ANXA13: variants seen among roughly 807,000 people sequenced by gnomAD.
ANXA13 encodes the protein annexin XIII.
In ANXA13, 36 loss-of-function variants were observed where a neutral mutation model predicts 46.6. The ratio of observed to expected loss-of-function variants is 0.77; its 90% CI spans 0.59 to 1.02. The LOEUF (loss-of-function observed/expected upper bound fraction) is 1.02, where lower values mean the gene tolerates loss of function less well. Ranked by LOEUF, ANXA13 falls within the 50% of genes least tolerant of loss-of-function variation. The probability of loss-of-function intolerance (pLI) is 0.00; values close to 1 mark genes in which losing one functional copy is unlikely to be tolerated. For missense variants in ANXA13, 417 were observed against 396.5 expected, an observed-to-expected ratio of 1.05 and a Z score of -0.44; for synonymous variants, 163 against 152.9, an observed-to-expected ratio of 1.07 and a Z score of -0.49.
chr8:123,693,209 T>C lies in ANXA13; in HGVS notation c.630A>G (p.Gln210=). The C allele has an allele frequency of 6.2e-7, 1 of 1,614,162 alleles. No individual in the cohort carries two copies. The highest frequency in any genetic ancestry group is 1.1e-5 in the South Asian group (1 of 91,086). ...RSYKQLRATF[Q]AYQILIGKDI... Reference sequence around the variant, plus strand: ...CTTTATGACTTACAATTTGATAGGCTTGAAAGGTGGCTCGTAACTGCTTGT... The same window carrying C: ...CTTTATGACTTACAATTTGATAGGCCTGAAAGGTGGCTCGTAACTGCTTGT... The change falls in exon 8 of 11, where the codon CAA becomes CAG. Residue 210 remains glutamine, a synonymous_variant. Transcript: ENST00000419625.
At chr8:123,682,294 A>G (rs571188355) in intron 10 of ANXA13, among the ~76,000 whole-genome samples, 1 of 152,342 alleles carries the variant, frequency 6.6e-6, no homozygotes, top group African/African-American at 2.4e-5. Context: ...GGAGAAAAAT[A>G]AATCCAAAGA....
chr8:123,710,460 GA>G (rs1813636152), intron 2 of ANXA13, among the ~76,000 whole-genome samples: 2 of 152,188 alleles, frequency 1.3e-5, no homozygotes, highest in Admixed American at 1.3e-4. Context: ...CTAAAACTCT[GA>G]ACTGCATGCT....
At chr8:123,717,497 TC>T (rs1482711664) in intron 1 of ANXA13, among the ~76,000 whole-genome samples, 4 of 152,246 alleles carry the variant, frequency 2.6e-5, no homozygotes, top group Non-Finnish European at 4.4e-5. Flanking sequence ...TATATAGGTT[TC>T]TAATTCACAT....
Position 123,693,113 on chromosome 8 carries a change from C to G in ANXA13, c.642+84G>C, listed in dbSNP as rs1186083150. The G allele has an allele frequency of 3.3e-6, 4 of 1,211,352 alleles. No individual in the cohort carries two copies. The African/African-American group carries it at 6.0e-5, about 18-fold the overall frequency. 75.0% of individuals were successfully genotyped at this position (1,211,352 alleles called of 1,614,324 possible). ...CACTGTTGTAAAGGATCCCCAATTC[C>G]TTATTGCAGATCTTGGCTTCTTTTG... On this transcript the variant is annotated intron_variant, in intron 8 of 10. Coordinates refer to ENST00000419625, the MANE Select transcript of ANXA13 (RefSeq NM_004306.4).
intron 2 of ANXA13, among the ~76,000 whole-genome samples, chr8:123,708,096 G>A (rs1409870381): frequency 2.0e-5 from 3 of 152,104 alleles, no homozygotes; most frequent in Non-Finnish European, 4.4e-5. Context: ...TATGTGTATC[G>A]TATAAGCAGT....
intron 10 of ANXA13, among the ~76,000 whole-genome samples, chr8:123,681,619 CTTT>C (rs5894670): frequency 7.5e-5 from 8 of 107,012 alleles, no homozygotes; most frequent in Admixed American, 3.0e-4. Context: ...TCTTGAATTT[CTTT>C]TTTTTTTTTT....
intron 9 of ANXA13, among the ~76,000 whole-genome samples, chr8:123,686,478 G>C (rs1283731899): frequency 6.6e-6 from 1 of 150,954 alleles, no homozygotes; most frequent in African/African-American, 2.4e-5. Context: ...AAAAAAGAAA[G>C]AAAGAAAGAA....
intron 1 of ANXA13, among the ~76,000 whole-genome samples, chr8:123,729,504 A>G (rs942749732): frequency 1.2e-4 from 18 of 152,162 alleles, no homozygotes; most frequent in Non-Finnish European, 2.1e-4. Context: ...CTTTGCAGAA[A>G]GATTTTCCTC....
intron 4 of ANXA13, among the ~76,000 whole-genome samples, chr8:123,697,506 G>T (rs1183867417): frequency 1.3e-5 from 2 of 152,220 alleles, no homozygotes; most frequent in Non-Finnish European, 2.9e-5. Flanking sequence ...GACCCTGGCG[G>T]CACTTCAGGA....
intron 2 of ANXA13, among the ~76,000 whole-genome samples, chr8:123,708,935 A>G (rs908805240): frequency 1.8e-4 from 28 of 152,202 alleles, no homozygotes; most frequent in Non-Finnish European, 3.8e-4. Flanking sequence ...GACACTTGTC[A>G]TTAGATATAG....
intron 1 of ANXA13, among the ~76,000 whole-genome samples, chr8:123,730,773 T>C (rs757592335): frequency 6.6e-6 from 1 of 152,088 alleles, no homozygotes; most frequent in Non-Finnish European, 1.5e-5. Context: ...TTCCACATGG[T>C]TGGGGAGGCT....
At chr8:123,697,184 A>T (rs1032024239) in intron 4 of ANXA13, among the ~76,000 whole-genome samples, 2 of 152,206 alleles carry the variant, frequency 1.3e-5, no homozygotes, top group South Asian at 2.1e-4. Context: ...AAGTGCTAAG[A>T]TTACAGGCGT....
intron 1 of ANXA13, chr8:123,728,101 C>T (rs1338762154): frequency 6.6e-6 from 1 of 152,220 alleles, no homozygotes; most frequent in African/African-American, 2.4e-5. Context: ...TGACATCTCT[C>T]TGTTGACTCA....
chr8:123,714,993 A>C (rs1367126221), intron 1 of ANXA13, among the ~76,000 whole-genome samples: 3 of 152,246 alleles, frequency 2.0e-5, no homozygotes, highest in Admixed American at 6.5e-5. Flanking sequence ...ATACTGCCTC[A>C]CATTCTATAA....
At chr8:123,724,472 G>A (rs965697912) in intron 1 of ANXA13, among the ~76,000 whole-genome samples, 4 of 152,198 alleles carry the variant, frequency 2.6e-5, no homozygotes, top group Non-Finnish European at 5.9e-5. Context: ...AGCCAGGGTT[G>A]AGAACCGTTA....
intron 1 of ANXA13, among the ~76,000 whole-genome samples, chr8:123,720,587 A>G (rs1194995371): frequency 6.6e-6 from 1 of 151,918 alleles, no homozygotes; most frequent in Non-Finnish European, 1.5e-5. Flanking sequence ...ACATAGGCAT[A>G]CACTCATAAT....
chr8:123,720,438 C>A (rs1160131746), intron 1 of ANXA13, among the ~76,000 whole-genome samples: 1 of 151,876 alleles, frequency 6.6e-6, no homozygotes, highest in Non-Finnish European at 1.5e-5. Flanking sequence ...CACCTTGCGC[C>A]AATATTGGTG....
At position 123,702,565 on chromosome 8, in the gene ANXA13, T is replaced by C. The variant is rs1586322674; in HGVS notation, c.186+77A>G. Reference sequence around the variant, plus strand: ...AATAAAGCTATAAAGATATTCTGCGTGGCCTGGGGACATGAGGAAGCCGAG... The same window carrying C: ...AATAAAGCTATAAAGATATTCTGCGCGGCCTGGGGACATGAGGAAGCCGAG... On this transcript the variant is annotated intron_variant, in intron 3 of 10. Transcript: ENST00000419625. 7 of 1,126,214 alleles carry C rather than the reference T, an allele frequency of 6.2e-6. 1 individual carries two copies. The South Asian group carries it at 7.6e-5, about 12-fold the overall frequency. 69.8% of individuals were successfully genotyped at this position (1,126,214 alleles called of 1,614,324 possible). A position where few individuals can be genotyped will look rare whatever the true frequency, so the allele number is the denominator to read the frequency against.
At chr8:123,709,745 A>G (rs573279360) in intron 2 of ANXA13, among the ~76,000 whole-genome samples, 2 of 152,284 alleles carry the variant, frequency 1.3e-5, no homozygotes, top group East Asian at 3.9e-4. Context: ...ATGGCTAGAT[A>G]AGTTTCATAT....
Sources: gnomAD v4.1 joint callset for allele counts (sites outside exome capture counted in the v4.1 genomes callset) on GRCh38, gnomAD v4.1.1 for gene constraint, MANE v1.5 for transcripts, NCBI Gene and HGNC (gene_info 2026-07-23, HGNC 2026-07-21) for gene names.